MFAP1: variants seen among roughly 807,000 people sequenced by gnomAD.
MFAP1 encodes the protein microfibrillar-associated protein 1.
A neutral mutation model predicts 62.2 loss-of-function variants in MFAP1; 18 were observed. The observed-to-expected ratio is 0.29, with a 90% CI of 0.20 to 0.43. MFAP1 has a LOEUF of 0.43. MFAP1 is among the 20% of genes least tolerant of loss of function. The pLI, the probability that MFAP1 is intolerant of heterozygous loss-of-function variation, is 1.00. For synonymous variants in MFAP1, 175 were observed against 180.4 expected (o/e 0.97, Z 0.24); for missense variants, 355 against 559.7 (o/e 0.63, Z 3.69).
intron 7 of MFAP1, among the ~76,000 whole-genome samples, chr15:43,809,493 T>TA (rs760823604): frequency 1.5e-3 from 208 of 139,394 alleles, no homozygotes; most frequent in East Asian, 6.8e-3. Context: ...CTCTGTCTCT[T>TA]AAAAAAAAAA....
intron 6 of MFAP1, 151 bp downstream of exon 6, chr15:43,812,836 A>G (rs2087410238): frequency 2.1e-6 from 2 of 934,134 alleles, no homozygotes; most frequent in African/African-American, 3.3e-5. Flanking sequence ...AGCAAGTGAA[A>G]CTCATATTCC....
intron 1 of MFAP1, among the ~76,000 whole-genome samples, chr15:43,824,287 CAG>C (rs1249372269): frequency 6.6e-6 from 1 of 151,792 alleles, no homozygotes; most frequent in Non-Finnish European, 1.5e-5. Flanking sequence ...TGGAGGCTAA[CAG>C]AAGAGAGGTG....
intron 3 of MFAP1, 22 bp from the exon 4 acceptor site, chr15:43,814,710 C>G: frequency 6.2e-7 from 1 of 1,610,514 alleles, no homozygotes; most frequent in Non-Finnish European, 8.5e-7. Context: ...TATATATAAG[C>G]CAGTCAGTCA....
intron 2 of MFAP1, among the ~76,000 whole-genome samples, chr15:43,815,888 C>A (rs2087430978): frequency 6.6e-6 from 1 of 152,196 alleles, no homozygotes; most frequent in Admixed American, 6.5e-5. Context: ...CCTGCCTAGG[C>A]CTCCCAAAGT....
Position 43,824,526 on chromosome 15 carries a change from G to A in MFAP1, c.44C>T (p.Ser15Phe). 1 of 1,614,166 alleles carries A rather than the reference G, an allele frequency of 6.2e-7. No homozygotes were observed. The highest frequency in any genetic ancestry group is 8.5e-7 in the Non-Finnish European group (1 of 1,180,034). ...GCGAACTGGGACGGCCCCAGCCGTA[G>A]ACTGAATGGGCGGTTGCTTCATGAG... is the stretch of plus-strand genomic sequence containing the variant. Reference protein sequence around the residue: ...SALMKQPPIQSTAGAVPVRNE... With the variant: ...SALMKQPPIQFTAGAVPVRNE... Residue 15 changes from serine to phenylalanine, a missense_variant, in exon 1 of 9, where the codon TCT becomes TTT. Physicochemically the swap from Ser to Phe is radical, Grantham distance 155. This residue lies in a region of MFAP1 where 29 missense variants were observed against 46.0 expected (regional missense o/e 0.63). Coordinates refer to ENST00000267812, the MANE Select transcript of MFAP1 (RefSeq NM_005926.3).
chr15:43,821,752 A>C (rs950046725), intron 1 of MFAP1, among the ~76,000 whole-genome samples: 3 of 152,300 alleles, frequency 2.0e-5, no homozygotes, highest in Admixed American at 1.3e-4. Context: ...CTAACTTATA[A>C]TCTGTCTTGT....
chr15:43,817,503 C>A, intron 1 of MFAP1, 55 bp from the exon 2 acceptor site: 1 of 1,568,346 alleles, frequency 6.4e-7, no homozygotes, highest in Non-Finnish European at 8.7e-7. Flanking sequence ...TGTGCTTCAA[C>A]CCATCACGGC....
intron 3 of MFAP1, 92 bp from the exon 4 acceptor site, chr15:43,814,780 A>G: frequency 5.3e-6 from 8 of 1,507,136 alleles, no homozygotes; most frequent in Non-Finnish European, 7.2e-6. Context: ...GTAAAAAGAT[A>G]CAACTTAGTA....
At chr15:43,823,339 A>G (rs2087478594) in intron 1 of MFAP1, among the ~76,000 whole-genome samples, 1 of 151,950 alleles carries the variant, frequency 6.6e-6, no homozygotes, top group East Asian at 1.9e-4. Context: ...CAGGTACTAA[A>G]TAAAGCTAGT....
intron 7 of MFAP1, among the ~76,000 whole-genome samples, chr15:43,807,361 T>C (rs2087372431): frequency 6.6e-6 from 1 of 150,852 alleles, no homozygotes; most frequent in East Asian, 2.0e-4. Flanking sequence ...TTTAATTTTT[T>C]TTTTTTTGAT....
chr15:43,810,359 CTTT>C (rs372486106), intron 6 of MFAP1, among the ~76,000 whole-genome samples: 3 of 142,948 alleles, frequency 2.1e-5, no homozygotes, highest in Non-Finnish European at 3.1e-5. Context: ...ATTGCAGTAA[CTTT>C]TTTTTTTTTT....
In MFAP1 at chr15:43,824,554, C is replaced by T. The variant is rs1485455180; in HGVS notation, c.16G>A (p.Ala6Thr). 3 of 1,614,152 alleles carry T rather than the reference C, an allele frequency of 1.9e-6. No homozygotes were observed. The highest frequency in any genetic ancestry group is 2.5e-6 in the Non-Finnish European group (3 of 1,180,028). The part of the protein sequence containing the change: MSVPS[A>T]LMKQPPIQST... The stretch of plus-strand genomic sequence containing the variant: ...TGAATGGGCGGTTGCTTCATGAGAG[C>T]GCTTGGGACCGACATGTTGATGGCA... The change falls in exon 1 of 9, where the codon GCT becomes ACT. Residue 6 changes from alanine (A) to threonine (T), a missense_variant. Around this residue, in one of 6 missense-constraint regions of MFAP1, gnomAD observed 29 missense variants for 46.0 expected, o/e 0.63. Coordinates refer to ENST00000267812, the MANE Select transcript of MFAP1 (RefSeq NM_005926.3).
intron 7 of MFAP1, among the ~76,000 whole-genome samples, chr15:43,805,698 C>T (rs1191456012): frequency 2.0e-5 from 3 of 151,796 alleles, no homozygotes; most frequent in Admixed American, 6.6e-5. Flanking sequence ...CTGCAACCTC[C>T]GTCTCCCAGG....
At position 43,824,617 on chromosome 15, in the gene MFAP1, G is replaced by C; in HGVS notation, c.-48C>G. Reference sequence around the variant, plus strand: ...CCCGAAACTTGACTAATTCCAAACAGTGAACACCAGCAACGTCAACGAAGA... The same window carrying C: ...CCCGAAACTTGACTAATTCCAAACACTGAACACCAGCAACGTCAACGAAGA... On this transcript the variant is annotated 5_prime_UTR_variant, in exon 1 of 9. Coordinates refer to ENST00000267812, the MANE Select transcript of MFAP1 (RefSeq NM_005926.3). 1 of 1,585,846 alleles carries C rather than the reference G, an allele frequency of 6.3e-7. No homozygotes were observed. The highest frequency in any genetic ancestry group is 8.7e-7 in the Non-Finnish European group (1 of 1,154,510).
At position 43,824,522 on chromosome 15, in the gene MFAP1, C is replaced by G. The variant is rs771235744; in HGVS notation, c.48G>C (p.Thr16=). ...CATTGCGAACTGGGACGGCCCCAGC[C>G]GTAGACTGAATGGGCGGTTGCTTCA... is the stretch of plus-strand genomic sequence containing the variant. The part of the protein sequence containing the change: ...ALMKQPPIQS[T]AGAVPVRNEK... Residue 16 remains threonine (T), a synonymous_variant, in exon 1 of 9, where the codon ACG becomes ACC. Coordinates refer to ENST00000267812, the MANE Select transcript of MFAP1 (RefSeq NM_005926.3). 12 of 1,613,944 alleles carry G rather than the reference C, an allele frequency of 7.4e-6. No homozygotes were observed. Among genetic ancestry groups the G allele is most frequent in the Non-Finnish European group, 9.3e-6 (11 of 1,180,024 alleles).
At chr15:43,823,132 G>A (rs987662889) in intron 1 of MFAP1, among the ~76,000 whole-genome samples, 6 of 151,002 alleles carry the variant, frequency 4.0e-5, no homozygotes, top group East Asian at 2.0e-4. Flanking sequence ...CCACCGCGCC[G>A]GGCCCTAATT....
chr15:43,805,834 G>A (rs1050224240), intron 7 of MFAP1, among the ~76,000 whole-genome samples: 7 of 152,088 alleles, frequency 4.6e-5, no homozygotes, highest in South Asian at 2.1e-4. Flanking sequence ...AGATGGTCTC[G>A]ATATCCCGAC....
intron 3 of MFAP1, 119 bp from the exon 4 acceptor site, chr15:43,814,807 C>T: frequency 6.7e-7 from 1 of 1,484,126 alleles, no homozygotes; most frequent in South Asian, 1.3e-5. Context: ...TATTTTTAAT[C>T]CTATCCCCAC....
chr15:43,820,493 ACAC>A (rs1320089356), intron 1 of MFAP1, among the ~76,000 whole-genome samples: 1 of 152,238 alleles, frequency 6.6e-6, no homozygotes, highest in East Asian at 1.9e-4. Flanking sequence ...TTTGTAGAAA[ACAC>A]AAGATAACAA....
Sources: gnomAD v4.1 joint callset for allele counts (sites outside exome capture counted in the v4.1 genomes callset) on GRCh38, gnomAD v4.1.1 for gene constraint, gnomAD v4.1.1 regional missense constraint, MANE v1.5 for transcripts, NCBI Gene and HGNC (gene_info 2026-07-23, HGNC 2026-07-21) for gene names.